CDH12: variants seen among roughly 807,000 people sequenced by gnomAD.
CDH12 encodes cadherin-12.
CDH12 carries 41 observed loss-of-function variants against 74.1 expected under a neutral mutation model. That is an observed-to-expected ratio of 0.55 (90% CI 0.43 to 0.72). CDH12 has a LOEUF of 0.72. CDH12 is among the 30% of genes least tolerant of loss of function. CDH12 has a pLI of 0.00. For missense variants in CDH12, 945 were observed against 977.2 expected, an observed-to-expected ratio of 0.97 and a Z score of 0.44; for synonymous variants, 399 against 355.0, an observed-to-expected ratio of 1.12 and a Z score of -1.39.
intron 1 of CDH12, among the ~76,000 whole-genome samples, chr5:22,675,299 G>A (rs1741105809): frequency 1.3e-5 from 2 of 152,188 alleles, no homozygotes; most frequent in Non-Finnish European, 2.9e-5. Context: ...GCTTCAGAGG[G>A]TGGAAGCCCC....
intron 4 of CDH12, among the ~76,000 whole-genome samples, chr5:22,127,842 G>A (rs1044428293): frequency 4.6e-5 from 7 of 152,202 alleles, no homozygotes; most frequent in Middle Eastern, 3.4e-3. Flanking sequence ...AATGTGATAG[G>A]ATGGAGATAA....
At position 22,273,922 on chromosome 5, in the gene CDH12, G is replaced by A. The variant is rs535316592; in HGVS notation, c.-332-61279C>T. Among the ~76,000 whole-genome samples, 85 of 152,196 alleles carry A rather than the reference G, an allele frequency of 5.6e-4. 2 individuals carry two copies. The highest frequency in any genetic ancestry group is 1.9e-3 in the African/African-American group (79 of 41,544). On this transcript the variant is annotated intron_variant, in intron 3 of 14. Transcript: ENST00000382254. ...TAAGTTGACATATTACAGCATTCAA[G>A]TAGCATAATATAATCATGAGCATTT...
At chr5:21,783,539 T>C in intron 10 of CDH12, 45 bp from the exon 11 acceptor site, 1 of 1,467,040 alleles carries the variant, frequency 6.8e-7, no homozygotes, top group Non-Finnish European at 9.5e-7. Flanking sequence ...GATTACACAT[T>C]AATCATAATG....
chr5:22,742,989 G>A (rs1745104201), intron 1 of CDH12, among the ~76,000 whole-genome samples: 1 of 151,370 alleles, frequency 6.6e-6, no homozygotes, highest in Non-Finnish European at 1.5e-5. Context: ...CATTCAATCA[G>A]TTGAAAGCCT....
At chr5:21,995,392 G>A (rs920250560) in intron 5 of CDH12, among the ~76,000 whole-genome samples, 4 of 151,738 alleles carry the variant, frequency 2.6e-5, no homozygotes, top group African/African-American at 9.7e-5. Flanking sequence ...ATGCGTCAGG[G>A]TATAGGCCTC....
intron 1 of CDH12, among the ~76,000 whole-genome samples, chr5:22,591,443 G>T (rs1029691559): frequency 1.3e-5 from 2 of 152,112 alleles, no homozygotes; most frequent in African/African-American, 4.8e-5. Context: ...TACAGTTGAG[G>T]TTGTATTACT....
At chr5:22,194,650 T>C (rs971532461) in intron 4 of CDH12, among the ~76,000 whole-genome samples, 2 of 152,152 alleles carry the variant, frequency 1.3e-5, no homozygotes, top group African/African-American at 2.4e-5. Flanking sequence ...ATTATTTCTT[T>C]ACTTTATGAA....
At chr5:22,831,191 A>C (rs894115535) in intron 1 of CDH12, among the ~76,000 whole-genome samples, 4 of 152,162 alleles carry the variant, frequency 2.6e-5, no homozygotes, top group African/African-American at 4.8e-5. Context: ...TATTTCTATA[A>C]AGAAAAAACT....
intron 1 of CDH12, among the ~76,000 whole-genome samples, chr5:22,674,448 CT>C (rs1206506921): frequency 6.6e-6 from 1 of 152,148 alleles, no homozygotes; most frequent in African/African-American, 2.4e-5. Flanking sequence ...AAACCTCTTT[CT>C]TTTGTAAATT....
chr5:22,571,550 T>A (rs1028968081), intron 1 of CDH12, among the ~76,000 whole-genome samples: 1 of 152,166 alleles, frequency 6.6e-6, no homozygotes, highest in Non-Finnish European at 1.5e-5. Context: ...TGGTCTCGAA[T>A]TCCTGACCTC....
At chr5:22,628,613 G>A (rs909481635) in intron 1 of CDH12, among the ~76,000 whole-genome samples, 4 of 152,080 alleles carry the variant, frequency 2.6e-5, no homozygotes, top group Non-Finnish European at 4.4e-5. Context: ...TAACAGGGAA[G>A]TTTATAGCGC....
rs1745246499 is a variant in CDH12 at position 22,117,531 on chromosome 5, T to TGC, written c.-186-38670_-186-38669insGC. ...ATATATAATATATATATAATATATA[T>TGC]ATATATATATAGTGTGTGCGTGTGT... On this transcript the variant is annotated intron_variant, in intron 4 of 14. Transcript: ENST00000382254. Among the ~76,000 whole-genome samples the TGC allele has an allele frequency of 2.7e-5, 3 of 110,822 alleles. No homozygotes were observed. In the East Asian group the frequency reaches 7.3e-4, roughly 27 times the overall value. 72.7% of individuals were successfully genotyped at this position (110,822 alleles called of 152,430 possible).
At chr5:22,776,179 T>G (rs1249131533) in intron 1 of CDH12, among the ~76,000 whole-genome samples, 1 of 152,146 alleles carries the variant, frequency 6.6e-6, no homozygotes, top group Non-Finnish European at 1.5e-5. Context: ...TGAGGATATT[T>G]ATCTATTTCT....
chr5:22,560,095 C>A (rs1738972774), intron 1 of CDH12, among the ~76,000 whole-genome samples: 1 of 152,112 alleles, frequency 6.6e-6, no homozygotes, highest in Admixed American at 6.6e-5. Flanking sequence ...GAGATTATAT[C>A]TGTGTATTAA....
chr5:22,277,610 A>T (rs1184502260), intron 3 of CDH12, among the ~76,000 whole-genome samples: 4 of 70,026 alleles, frequency 5.7e-5, no homozygotes, highest in Non-Finnish European at 1.3e-4. Context: ...AAGAAGGGGG[A>T]TCACCTGAGG....
At chr5:22,183,494 AT>A (rs1398266698) in intron 4 of CDH12, among the ~76,000 whole-genome samples, 1 of 152,180 alleles carries the variant, frequency 6.6e-6, no homozygotes. Flanking sequence ...CTTTTAAAAT[AT>A]TTTTTTCTTA....
At chr5:22,611,199 G>A (rs1737377754) in intron 1 of CDH12, among the ~76,000 whole-genome samples, 1 of 151,926 alleles carries the variant, frequency 6.6e-6, no homozygotes, top group African/African-American at 2.4e-5. Context: ...GGAAATTATG[G>A]CACTTCTGAC....
At chr5:22,169,297 C>G (rs1748880525) in intron 4 of CDH12, among the ~76,000 whole-genome samples, 1 of 151,868 alleles carries the variant, frequency 6.6e-6, no homozygotes, top group African/African-American at 2.4e-5. Context: ...CTGTTCTGCT[C>G]TCTTGCATAG....
At chr5:22,838,914 C>A (rs1004738151) in intron 1 of CDH12, among the ~76,000 whole-genome samples, 5 of 151,928 alleles carry the variant, frequency 3.3e-5, no homozygotes, top group Non-Finnish European at 5.9e-5. Context: ...TTGGCTCATG[C>A]AATCCACCCA....
Sources: gnomAD v4.1 joint callset for allele counts (sites outside exome capture counted in the v4.1 genomes callset) on GRCh38, gnomAD v4.1.1 for gene constraint, MANE v1.5 for transcripts, NCBI Gene and HGNC (gene_info 2026-07-23, HGNC 2026-07-21) for gene names.